Variants in CTNND2 observed in about 807,000 individuals in gnomAD.
CTNND2 encodes the protein catenin delta-2.
In CTNND2, 22 loss-of-function variants were observed where a neutral mutation model predicts 144.4. The ratio of observed to expected loss-of-function variants is 0.15; its 90% CI spans 0.11 to 0.22. The LOEUF is 0.22. Ranked by LOEUF, CTNND2 falls within the 10% of genes least tolerant of loss-of-function variation. The pLI, the probability that CTNND2 is intolerant of heterozygous loss-of-function variation, is 1.00. For missense variants in CTNND2, 1,353 were observed against 1,618.8 expected, an observed-to-expected ratio of 0.84 and a Z score of 2.82; for synonymous variants, 751 against 695.6, an observed-to-expected ratio of 1.08 and a Z score of -1.25.
At chr5:11,284,032 TC>T (rs2150002089) in intron 9 of CTNND2, among the ~76,000 whole-genome samples, 1 of 152,264 alleles carries the variant, frequency 6.6e-6, no homozygotes, top group East Asian at 1.9e-4. Flanking sequence ...ACTGAGATGG[TC>T]CCTTTACTGA....
chr5:10,986,086 A>C (rs778685229), intron 20 of CTNND2, among the ~76,000 whole-genome samples: 2 of 152,240 alleles, frequency 1.3e-5, no homozygotes, highest in Non-Finnish European at 2.9e-5. Flanking sequence ...CATGATTGAG[A>C]GTGTACTCCT....
chr5:11,140,296 T>C (rs971064251), intron 12 of CTNND2, among the ~76,000 whole-genome samples: 1 of 152,186 alleles, frequency 6.6e-6, no homozygotes, highest in Admixed American at 6.5e-5. Flanking sequence ...GTTCAGGAAG[T>C]GTATTCACAA....
chr5:11,594,212 A>T (rs1232849259), intron 2 of CTNND2, among the ~76,000 whole-genome samples: 1 of 152,236 alleles, frequency 6.6e-6, no homozygotes, highest in African/African-American at 2.4e-5. Context: ...TATTCAGCAA[A>T]GTAAATAAAT....
chr5:11,183,743 G>C (rs982484034), intron 11 of CTNND2, among the ~76,000 whole-genome samples: 3 of 151,808 alleles, frequency 2.0e-5, no homozygotes, highest in African/African-American at 7.3e-5. Flanking sequence ...ATTTTTAGTA[G>C]AGACAGGGTT....
rs184246018 is a variant in CTNND2, at chr5:11,891,511, T to G, written c.37+12306A>C. Among the ~76,000 whole-genome samples the G allele has an allele frequency of 2.0e-5, 3 of 152,138 alleles. No homozygotes were observed. In the South Asian group the frequency reaches 6.2e-4, roughly 32 times the overall value. Reference sequence around the variant, plus strand: ...GATGAAGTCCTAGCCCCCGATGTGATGGCATTTGGAAATGGGACCCCCGGA... The same window carrying G: ...GATGAAGTCCTAGCCCCCGATGTGAGGGCATTTGGAAATGGGACCCCCGGA... On this transcript the variant is annotated intron_variant, in intron 1 of 21. Transcript: ENST00000304623.
chr5:11,836,692 T>C (rs1484929282), intron 1 of CTNND2, among the ~76,000 whole-genome samples: 8 of 152,202 alleles, frequency 5.3e-5, no homozygotes, highest in Non-Finnish European at 1.5e-5. Flanking sequence ...TCTACTTTGC[T>C]AAAAATTCCA....
At chr5:11,283,540 G>A (rs940784524) in intron 9 of CTNND2, among the ~76,000 whole-genome samples, 1 of 151,754 alleles carries the variant, frequency 6.6e-6, no homozygotes, top group Non-Finnish European at 1.5e-5. Flanking sequence ...GGGGTGTGGT[G>A]GCACCTGCCT....
intron 3 of CTNND2, among the ~76,000 whole-genome samples, chr5:11,507,000 G>A (rs756327675): frequency 2.0e-5 from 3 of 152,162 alleles, no homozygotes; most frequent in South Asian, 4.2e-4. Context: ...ACCTCTCCAC[G>A]TACTCTCCCA....
intron 21 of CTNND2, among the ~76,000 whole-genome samples, chr5:10,981,053 A>AAAC (rs1737181878): frequency 6.6e-6 from 1 of 151,886 alleles, no homozygotes; most frequent in African/African-American, 2.4e-5. Flanking sequence ...AATAAAAATA[A>AAAC]AATAATAATA....
At chr5:11,478,260 T>C (rs1767940374) in intron 3 of CTNND2, among the ~76,000 whole-genome samples, 1 of 152,224 alleles carries the variant, frequency 6.6e-6, no homozygotes, top group African/African-American at 2.4e-5. Flanking sequence ...ATGGGCCCAC[T>C]GCTTTTGCTG....
intron 1 of CTNND2, among the ~76,000 whole-genome samples, chr5:11,878,021 T>C (rs1735691646): frequency 6.6e-6 from 1 of 152,102 alleles, no homozygotes; most frequent in Non-Finnish European, 1.5e-5. Flanking sequence ...AAAAGAAATG[T>C]AGAAGGCAAT....
chr5:11,119,749 GT>G (rs1485342719), intron 12 of CTNND2, among the ~76,000 whole-genome samples: 1 of 152,172 alleles, frequency 6.6e-6, no homozygotes. Flanking sequence ...GCTCTTTAGC[GT>G]GGCAAGTTAG....
At chr5:11,100,020 A>C (rs186688822) in intron 14 of CTNND2, among the ~76,000 whole-genome samples, 139 of 152,346 alleles carry the variant, frequency 9.1e-4, no homozygotes, top group Admixed American at 5.3e-3. Context: ...AATATGAAAA[A>C]CAAAACCATA....
At chr5:11,155,650 C>T (rs909958829) in intron 12 of CTNND2, among the ~76,000 whole-genome samples, 11 of 152,098 alleles carry the variant, frequency 7.2e-5, no homozygotes, top group Non-Finnish European at 1.3e-4. Flanking sequence ...CTCCCCATGC[C>T]GCTTGGCCTC....
intron 2 of CTNND2, among the ~76,000 whole-genome samples, chr5:11,591,553 TTC>T (rs1223293570): frequency 3.8e-5 from 2 of 53,326 alleles, no homozygotes; most frequent in African/African-American, 8.8e-5. Context: ...AGCTATTTTT[TTC>T]TTTTTTTTGA....
chr5:11,049,427 T>C (rs1745606763), intron 16 of CTNND2, among the ~76,000 whole-genome samples: 1 of 152,174 alleles, frequency 6.6e-6, no homozygotes, highest in Admixed American at 6.5e-5. Context: ...TAAACATGCA[T>C]TGGCACAGAC....
intron 10 of CTNND2, among the ~76,000 whole-genome samples, chr5:11,215,300 A>G (rs980977072): frequency 6.6e-6 from 1 of 152,186 alleles, no homozygotes; most frequent in African/African-American, 2.4e-5. Context: ...AACATCATGC[A>G]CCTCTAAAAA....
intron 7 of CTNND2, among the ~76,000 whole-genome samples, chr5:11,382,844 G>C (rs1758653521): frequency 6.6e-6 from 1 of 152,032 alleles, no homozygotes; most frequent in Non-Finnish European, 1.5e-5. Context: ...ACGAAATCAG[G>C]CATGGAGGTC....
chr5:11,570,885 T>C (rs1777500672), intron 2 of CTNND2, among the ~76,000 whole-genome samples: 1 of 152,126 alleles, frequency 6.6e-6, no homozygotes, highest in Non-Finnish European at 1.5e-5. Context: ...ATTATTCAGA[T>C]GCTAAAATCT....
Sources: gnomAD v4.1 joint callset for allele counts (sites outside exome capture counted in the v4.1 genomes callset) on GRCh38, gnomAD v4.1.1 for gene constraint, MANE v1.5 for transcripts, NCBI Gene and HGNC (gene_info 2026-07-23, HGNC 2026-07-21) for gene names.